Variants in ACSBG2 observed in about 807,000 individuals in gnomAD.
The protein encoded by ACSBG2 is acyl-CoA synthetase bubblegum family member 2.
Under a neutral mutation model 74.7 loss-of-function variants are expected in ACSBG2, and 62 were observed. The observed-to-expected ratio is 0.83, with a 90% CI of 0.68 to 1.03. The LOEUF (loss-of-function observed/expected upper bound fraction) is 1.03. ACSBG2 is among the 50% of genes least tolerant of loss of function. The pLI is 0.00. For synonymous variants in ACSBG2, 309 were observed against 294.1 expected, an observed-to-expected ratio of 1.05 and a Z score of -0.52; for missense variants, 730 against 817.6, an observed-to-expected ratio of 0.89 and a Z score of 1.31.
intron 7 of ACSBG2, among the ~76,000 whole-genome samples, chr19:6,172,891 C>G (rs142459026): frequency 7.6e-4 from 115 of 152,256 alleles, no homozygotes; most frequent in African/African-American, 2.6e-3. Context: ...AGGGAATGCA[C>G]CAGCTCCTTG....
At chr19:6,168,217 T>C (rs1008146673) in intron 7 of ACSBG2, among the ~76,000 whole-genome samples, 3 of 152,100 alleles carry the variant, frequency 2.0e-5, no homozygotes, top group Non-Finnish European at 2.9e-5. Context: ...TCCTTGCTGT[T>C]CCTCCAACAC....
intron 7 of ACSBG2, among the ~76,000 whole-genome samples, chr19:6,167,213 T>G (rs2089834702): frequency 1.3e-5 from 2 of 152,222 alleles, no homozygotes; most frequent in South Asian, 4.1e-4. Context: ...CACACACTGG[T>G]GTCTGACCAC....
chr19:6,166,077 C>T (rs2089790873), intron 7 of ACSBG2, 62 bp downstream of exon 7: 1 of 1,601,176 alleles, frequency 6.2e-7, no homozygotes, highest in Non-Finnish European at 8.5e-7. Context: ...TGTTGGCTTC[C>T]AGGGGCAGGG....
intron 1 of ACSBG2, among the ~76,000 whole-genome samples, chr19:6,139,648 C>A (rs1346216937): frequency 6.6e-6 from 1 of 152,204 alleles, no homozygotes; most frequent in African/African-American, 2.4e-5. Context: ...CAAAATCGTA[C>A]AATTTTCCTC....
intron 3 of ACSBG2, 21 bp from the exon 4 acceptor site, chr19:6,151,686 T>C: frequency 1.3e-6 from 2 of 1,571,480 alleles, no homozygotes; most frequent in South Asian, 2.3e-5. Flanking sequence ...TTTGTTTTTC[T>C]GTTTGCTTTT....
At chr19:6,141,080 G>A (rs915917982) in intron 1 of ACSBG2, among the ~76,000 whole-genome samples, 2 of 151,914 alleles carry the variant, frequency 1.3e-5, no homozygotes, top group African/African-American at 4.8e-5. Context: ...TTTTGTTTGT[G>A]GTATTCTTGG....
chr19:6,171,961 A>G (rs2089978776), intron 7 of ACSBG2, among the ~76,000 whole-genome samples: 1 of 151,850 alleles, frequency 6.6e-6, no homozygotes, highest in Admixed American at 6.6e-5. Context: ...CCATTCTTCA[A>G]GCTCTGAAAT....
chr19:6,153,877 A>AG (rs1268150252), intron 4 of ACSBG2, among the ~76,000 whole-genome samples: 53,796 of 107,666 alleles, frequency 0.5, 14,100 homozygotes, highest in East Asian at 0.58. Flanking sequence ...AGAAAAGAAA[A>AG]GAAAAGGAAA....
At position 6,137,899 on chromosome 19, in the gene ACSBG2, C is replaced by T. The variant is rs1406676554; in HGVS notation, c.-32+1990C>T. Among the ~76,000 whole-genome samples, 9 of 152,288 alleles carry T rather than the reference C, an allele frequency of 5.9e-5. No homozygotes were observed. In the South Asian group the frequency reaches 1.9e-3, roughly 32 times the overall value. ...GAACTCCTGACCTCAGGTGATCCAC[C>T]CGCCTCGGCCTCCCAAAGCACTGGG... On this transcript the variant is annotated intron_variant, in intron 1 of 14. Coordinates refer to ENST00000588485, the MANE Select transcript of ACSBG2 (RefSeq NM_030924.5).
At chr19:6,150,215 T>G (rs2089187867) in intron 3 of ACSBG2, among the ~76,000 whole-genome samples, 1 of 151,784 alleles carries the variant, frequency 6.6e-6, no homozygotes, top group Middle Eastern at 3.2e-3. Context: ...GGAACCCTTG[T>G]GCAGTGCTGG....
At chr19:6,152,095 T>C (rs2089258549) in intron 4 of ACSBG2, among the ~76,000 whole-genome samples, 1 of 152,162 alleles carries the variant, frequency 6.6e-6, no homozygotes, top group Admixed American at 6.6e-5. Flanking sequence ...GTGCTCCACG[T>C]GTATGATCCT....
chr19:6,142,058 T>C (rs1305056486), intron 2 of ACSBG2, among the ~76,000 whole-genome samples: 1 of 151,952 alleles, frequency 6.6e-6, no homozygotes, highest in African/African-American at 2.4e-5. Context: ...TCTTGATAGG[T>C]TGTTGAGGTA....
intron 3 of ACSBG2, among the ~76,000 whole-genome samples, chr19:6,148,528 C>T (rs911076787): frequency 2.0e-5 from 3 of 152,034 alleles, no homozygotes; most frequent in African/African-American, 7.2e-5. Flanking sequence ...TGCCTGTAGT[C>T]CCAGCTATCA....
At position 6,147,510 on chromosome 19, in the gene ACSBG2, A is replaced by G. The variant is rs774542751; in HGVS notation, c.132A>G (p.Gly44=). The part of the protein sequence containing the change: ...GEVLLRLSKH[G]PGHETPMTIP... ...TCCTTCTGAGGCTATCCAAACACGG[A>G]CCAGGCCATGAGACCCCGATGACCA... The change falls in exon 3 of 15, where the codon GGA becomes GGG. Residue 44 remains glycine (G), a synonymous_variant. Transcript: ENST00000588485. 6.8e-6 allele frequency: 11 copies of G among 1,614,200 alleles called. No individual in the cohort carries two copies. Among genetic ancestry groups the G allele is most frequent in the East Asian group, 2.2e-5 (1 of 44,890 alleles).
At chr19:6,190,121 A>AG in intron 13 of ACSBG2, 1 of 170,740 alleles carries the variant, frequency 5.9e-6, no homozygotes, top group East Asian at 1.5e-4. Flanking sequence ...AGACACCCAG[A>AG]GGGGCTTCAA....
At chr19:6,179,274 A>G (rs1392152932) in intron 8 of ACSBG2, among the ~76,000 whole-genome samples, 1 of 147,032 alleles carries the variant, frequency 6.8e-6, no homozygotes, top group African/African-American at 2.5e-5. Context: ...GTGAAAGAAC[A>G]CTTTGATTTC....
At chr19:6,139,345 C>A (rs1388789079) in intron 1 of ACSBG2, among the ~76,000 whole-genome samples, 1 of 152,288 alleles carries the variant, frequency 6.6e-6, no homozygotes, top group Non-Finnish European at 1.5e-5. Context: ...CCAGCCTCGG[C>A]CTTCCAAAGT....
rs938240240 is a variant in ACSBG2, at chr19:6,182,834, G to A, written c.990G>A (p.Met330Ile). The part of the protein sequence containing the change: ...VPQIWEKIHE[M>I]VKKNSAKSMG... ...AAATTTGGGAGAAGATACATGAGAT[G>A]GTGAAGAAAAATAGTGCCAAGTCCA... Residue 330 changes from methionine to isoleucine, a missense_variant, in exon 9 of 15, where the codon ATG (methionine) becomes ATA (isoleucine). Coordinates refer to ENST00000588485, the MANE Select transcript of ACSBG2 (RefSeq NM_030924.5). The A allele has an allele frequency of 6.2e-7, 1 of 1,614,144 alleles. No individual in the cohort carries two copies. The highest frequency in any genetic ancestry group is 1.1e-5 in the South Asian group (1 of 91,074).
rs1289893848 is a variant in ACSBG2 at position 6,174,979 on chromosome 19, C to T, written c.739-2250C>T. On this transcript the variant is annotated intron_variant, in intron 7 of 14. Transcript: ENST00000588485. The surrounding 1 kb of genome is among the most constrained non-coding windows in gnomAD (Gnocchi z 4.2). ...GAAAATTTTGTCACTAACCCTTTTA[C>T]AGATGAGAAAACTGAGGCTCAGACA... is the stretch of plus-strand genomic sequence containing the variant. 6.6e-5 allele frequency among the ~76,000 whole-genome samples: 10 copies of T among 152,180 alleles called. No homozygotes were observed. Among genetic ancestry groups the T allele is most frequent in the Non-Finnish European group, 1.3e-4 (9 of 68,026 alleles).
Sources: gnomAD v4.1 joint callset for allele counts (sites outside exome capture counted in the v4.1 genomes callset) on GRCh38, gnomAD v4.1.1 for gene constraint, Gnocchi (gnomAD v3.1) non-coding constraint, MANE v1.5 for transcripts, NCBI Gene and HGNC (gene_info 2026-07-23, HGNC 2026-07-21) for gene names.